Variants in KLF12 observed in about 807,000 individuals in gnomAD.
KLF12 encodes Krueppel-like factor 12.
In KLF12, 9 loss-of-function variants were observed where a neutral mutation model predicts 37.8. The ratio of observed to expected loss-of-function variants is 0.24; its 90% CI spans 0.14 to 0.42. KLF12 has a LOEUF of 0.42. Ranked by LOEUF, KLF12 falls within the 10% of genes least tolerant of loss-of-function variation. The pLI is 1.00. For missense variants in KLF12, 411 were observed against 516.0 expected (o/e 0.80, Z 1.97); for synonymous variants, 208 against 202.1 (o/e 1.03, Z -0.25).
chr13:73,918,124 G>A (rs1169463161), intron 3 of KLF12, among the ~76,000 whole-genome samples: 1 of 149,498 alleles, frequency 6.7e-6, no homozygotes, highest in Non-Finnish European at 1.5e-5. Flanking sequence ...TATGTATACA[G>A]AGAGAGAGAG....
intron 4 of KLF12, among the ~76,000 whole-genome samples, chr13:73,815,247 C>T (rs1311351185): frequency 6.6e-6 from 1 of 152,176 alleles, no homozygotes; most frequent in Non-Finnish European, 1.5e-5. Flanking sequence ...CAACCAGTTC[C>T]ATCACTATCT....
intron 1 of KLF12, among the ~76,000 whole-genome samples, chr13:74,130,141 G>A (rs1186819184): frequency 6.6e-6 from 1 of 152,202 alleles, no homozygotes; most frequent in Non-Finnish European, 1.5e-5. Context: ...TAAGGCTGTG[G>A]TTATAGGGCG....
chr13:73,715,574 T>C (rs1416969894), intron 6 of KLF12, 49 bp from the exon 7 acceptor site: 15 of 1,584,506 alleles, frequency 9.5e-6, no homozygotes, highest in South Asian at 1.1e-5. Flanking sequence ...CACCGCCCCA[T>C]TTTGGTTCTG....
rs113342395 is a variant in KLF12 at position 73,919,033 on chromosome 13, G to GGTA, written c.123+24945_123+24947dup. ...ACGGGTACCCTGGAATCAAACTGTT[G>GGTA]GTACTAACTCAAAGAGCACATCTGC... On this transcript the variant is annotated intron_variant, in intron 3 of 7. Coordinates refer to ENST00000377669, the MANE Select transcript of KLF12 (RefSeq NM_007249.5). Among the ~76,000 whole-genome samples, 924 of 152,232 alleles carry GGTA rather than the reference G, an allele frequency of 6.1e-3. 11 individuals carry two copies. Among genetic ancestry groups the GGTA allele is most frequent in the African/African-American group, 0.021 (853 of 41,524 alleles).
intron 1 of KLF12, among the ~76,000 whole-genome samples, chr13:73,997,477 A>T (rs1046639862): frequency 6.6e-6 from 1 of 152,208 alleles, no homozygotes; most frequent in Non-Finnish European, 1.5e-5. Flanking sequence ...AATAAAAAAG[A>T]TTTCTCTAAA....
intron 1 of KLF12, among the ~76,000 whole-genome samples, chr13:73,999,349 AAAAG>A (rs976379508): frequency 6.6e-6 from 1 of 152,226 alleles, no homozygotes; most frequent in Non-Finnish European, 1.5e-5. Context: ...ATAAGTTAAA[AAAAG>A]AAAGCACAAA....
chr13:73,718,632 C>G (rs1417553236), intron 6 of KLF12, among the ~76,000 whole-genome samples: 1 of 152,194 alleles, frequency 6.6e-6, no homozygotes, highest in African/African-American at 2.4e-5. Context: ...GTGGCTCACA[C>G]CAGTAATCCC....
chr13:73,805,234 AT>A (rs1220574984), intron 5 of KLF12, among the ~76,000 whole-genome samples: 3 of 151,960 alleles, frequency 2.0e-5, no homozygotes, highest in African/African-American at 7.3e-5. Flanking sequence ...TAACAGCTGA[AT>A]TTTTTTTATG....
the KLF12 span, among the ~76,000 whole-genome samples, chr13:74,245,808 A>G: frequency 2.0e-5 from 3 of 152,342 alleles, no homozygotes; most frequent in South Asian, 6.2e-4. Context: ...CCTCTTGTAA[A>G]TAAGAGGGGA....
At chr13:73,964,187 T>C (rs145306109) in intron 2 of KLF12, among the ~76,000 whole-genome samples, 144 of 152,228 alleles carry the variant, frequency 9.5e-4, no homozygotes, top group African/African-American at 3.3e-3. Flanking sequence ...GTATAACTAG[T>C]AAGAGAAAAC....
Position 73,763,158 on chromosome 13 carries a change from A to C in KLF12, c.869+1780T>G, listed in dbSNP as rs1879677472. Among the ~76,000 whole-genome samples, 2 of 152,136 alleles carry C rather than the reference A, an allele frequency of 1.3e-5. 1 individual carries two copies. The highest frequency in any genetic ancestry group is 4.1e-4 in the South Asian group (2 of 4,830). On this transcript the variant is annotated intron_variant, in intron 6 of 7. Coordinates refer to ENST00000377669, the MANE Select transcript of KLF12 (RefSeq NM_007249.5). ...CTTCCTTTATATTCCACCCCCTCCC[A>C]AGTATGAACTCTCAAATTAGTCTTA...
intron 6 of KLF12, among the ~76,000 whole-genome samples, chr13:73,745,049 T>C (rs1306471351): frequency 6.6e-6 from 1 of 152,302 alleles, no homozygotes; most frequent in East Asian, 1.9e-4. Flanking sequence ...GTACCTAAAA[T>C]TATAGCTGCT....
chr13:73,793,414 C>T (rs1881797966), intron 5 of KLF12, among the ~76,000 whole-genome samples: 2 of 152,186 alleles, frequency 1.3e-5, no homozygotes, highest in South Asian at 2.1e-4. Context: ...CCAAACACTT[C>T]TATAAGACCT....
At chr13:73,982,162 A>T (rs2138185954) in intron 2 of KLF12, among the ~76,000 whole-genome samples, 1 of 152,360 alleles carries the variant, frequency 6.6e-6, no homozygotes, top group South Asian at 2.1e-4. Flanking sequence ...CATTAACTTC[A>T]TTGACTAGGA....
At chr13:74,252,904 G>T in the KLF12 span, among the ~76,000 whole-genome samples, 3 of 151,896 alleles carry the variant, frequency 2.0e-5, no homozygotes, top group South Asian at 2.1e-4. Flanking sequence ...AGAAATATCC[G>T]GTCTAGATTA....
At chr13:74,129,674 C>T (rs1475262174) in intron 1 of KLF12, among the ~76,000 whole-genome samples, 1 of 149,876 alleles carries the variant, frequency 6.7e-6, no homozygotes, top group Non-Finnish European at 1.5e-5. Context: ...AAAAGAAACA[C>T]ATGACTTTAA....
chr13:73,868,333 G>A (rs1021295324), intron 3 of KLF12, among the ~76,000 whole-genome samples: 1 of 133,292 alleles, frequency 7.5e-6, no homozygotes, highest in East Asian at 2.5e-4. Context: ...GCGGTGGGGG[G>A]GGGGGGTGAT....
chr13:74,293,851 A>G, the KLF12 span, among the ~76,000 whole-genome samples: 1 of 152,196 alleles, frequency 6.6e-6, no homozygotes, highest in Non-Finnish European at 1.5e-5. Flanking sequence ...CGTAATATGA[A>G]ATAAAATTAG....
At chr13:74,247,619 CT>C in the KLF12 span, among the ~76,000 whole-genome samples, 124 of 152,128 alleles carry the variant, frequency 8.2e-4, 2 homozygotes, top group South Asian at 0.02. Context: ...GTCAAGTTAT[CT>C]TTTTTTAGTT....
Sources: gnomAD v4.1 joint callset for allele counts (sites outside exome capture counted in the v4.1 genomes callset) on GRCh38, gnomAD v4.1.1 for gene constraint, MANE v1.5 for transcripts, NCBI Gene and HGNC (gene_info 2026-07-23, HGNC 2026-07-21) for gene names.